SNX9: variants seen among roughly 807,000 people sequenced by gnomAD.
SNX9 encodes sorting nexin-9.
SNX9 carries 44 observed loss-of-function variants against 89.4 expected under a neutral mutation model. The observed-to-expected ratio is 0.49, with a 90% CI of 0.39 to 0.63. The LOEUF (loss-of-function observed/expected upper bound fraction) is 0.63. Ranked by LOEUF, SNX9 falls within the 30% of genes least tolerant of loss-of-function variation. The probability of loss-of-function intolerance (pLI) is 0.00; values close to 1 mark genes in which losing one functional copy is unlikely to be tolerated. For synonymous variants in SNX9, 236 were observed against 247.8 expected (o/e 0.95, Z 0.45); for missense variants, 578 against 736.1 (o/e 0.79, Z 2.49).
rs1781973450 is a variant in SNX9 at position 157,854,604 on chromosome 6, C to G, written c.13-12943C>G. On this transcript the variant is annotated intron_variant, in intron 1 of 17. Transcript: ENST00000392185. ...TATTTTAAAAATCAGCACTAATGCC[C>G]TTTGGCACTTTTAGAAACTGTTCCT... is the stretch of plus-strand genomic sequence containing the variant. Among the ~76,000 whole-genome samples, 3 of 151,986 alleles carry G rather than the reference C, an allele frequency of 2.0e-5. 1 individual carries two copies. In the South Asian group the frequency reaches 6.2e-4, roughly 31 times the overall value.
intron 9 of SNX9, among the ~76,000 whole-genome samples, chr6:157,919,779 C>A (rs1783546299): frequency 2.0e-5 from 3 of 152,032 alleles, no homozygotes; most frequent in African/African-American, 4.8e-5. Context: ...CTTGCTATTT[C>A]TTTGCGTATC....
rs1783589254 is a variant in SNX9 at position 157,921,774 on chromosome 6, C to G, written c.1080+113C>G. 8 of 1,225,792 alleles carry G rather than the reference C, an allele frequency of 6.5e-6. No individual in the cohort carries two copies. The South Asian group carries it at 9.4e-5, about 14-fold the overall frequency. The allele number at this position is 1,225,792 out of a possible 1,614,324, so 75.9% of individuals were successfully genotyped here. ...GTTGGTTAGTTATTTCTCACTTCCT[C>G]CAGTGACAGTGAGGGGACAGAAACC... On this transcript the variant is annotated intron_variant, in intron 10 of 17. Coordinates refer to ENST00000392185, the MANE Select transcript of SNX9 (RefSeq NM_016224.5).
intron 1 of SNX9, among the ~76,000 whole-genome samples, chr6:157,848,508 G>A (rs1234271797): frequency 1.3e-5 from 2 of 152,208 alleles, no homozygotes; most frequent in African/African-American, 4.8e-5. Flanking sequence ...TTGGCTTTTG[G>A]TTCTTTTAGC....
chr6:157,910,239 C>T (rs898495455), intron 9 of SNX9, among the ~76,000 whole-genome samples: 1 of 152,196 alleles, frequency 6.6e-6, no homozygotes, highest in Admixed American at 6.5e-5. Context: ...GTTTAATGTG[C>T]AAATCACAGG....
chr6:157,935,979 A>G lies in SNX9; in HGVS notation c.1382A>G (p.Asn461Ser), dbSNP rs187768612. ...SSGYQGETDL[N>S]DAITEAGKTY... ...TCATTTTCAGGTGAAACAGATCTCA[A>G]TGATGCAATAACAGAAGCAGGAAAG... The change falls in exon 14 of 18, where the codon AAT becomes AGT. Residue 461 changes from asparagine (N) to serine (S), a missense_variant. By Grantham distance (46) the Asn-to-Ser change is conservative (BLOSUM62 1). Coordinates refer to ENST00000392185, the MANE Select transcript of SNX9 (RefSeq NM_016224.5). 2.4e-5 allele frequency: 38 copies of G among 1,612,492 alleles called. 1 individual carries two copies. Among genetic ancestry groups the G allele is most frequent in the Middle Eastern group, 3.3e-4 (2 of 6,054 alleles).
Position 157,932,483 on chromosome 6 carries a change from C to A in SNX9, c.1366+211C>A, listed in dbSNP as rs1583245594. ...GGTGGTTATAATTTGTATTTTCTTGCTAGCTCGTTTGCCTTTTTTTGCTCT... is the reference window on the plus strand; with the variant it reads ...GGTGGTTATAATTTGTATTTTCTTGATAGCTCGTTTGCCTTTTTTTGCTCT... On this transcript the variant is annotated intron_variant, in intron 13 of 17. Transcript: ENST00000392185. Among the ~76,000 whole-genome samples, 4 of 152,274 alleles carry A rather than the reference C, an allele frequency of 2.6e-5. No homozygotes were observed. In the South Asian group the frequency reaches 8.3e-4, roughly 32 times the overall value.
chr6:157,924,051 C>T (rs1199032197), intron 10 of SNX9, among the ~76,000 whole-genome samples: 5 of 152,092 alleles, frequency 3.3e-5, no homozygotes, highest in East Asian at 3.9e-4. Context: ...TACAAAAATT[C>T]GCCAGGTGTG....
At chr6:157,869,256 A>G (rs558238568) in intron 2 of SNX9, among the ~76,000 whole-genome samples, 2 of 151,702 alleles carry the variant, frequency 1.3e-5, no homozygotes, top group Admixed American at 6.6e-5. Flanking sequence ...TCTTTACACT[A>G]TGCGGTCTCA....
chr6:157,897,666 C>T (rs1024604379), intron 5 of SNX9, among the ~76,000 whole-genome samples: 4 of 152,090 alleles, frequency 2.6e-5, no homozygotes, highest in Admixed American at 6.5e-5. Flanking sequence ...CACCGCCCAC[C>T]GCCACACCCG....
rs1783528603 is a variant in SNX9, at chr6:157,918,965, T to G, written c.950-2566T>G. Among the ~76,000 whole-genome samples, 3 of 152,094 alleles carry G rather than the reference T, an allele frequency of 2.0e-5. 1 individual carries two copies. Among genetic ancestry groups the G allele is most frequent in the African/African-American group, 4.8e-5 (2 of 41,422 alleles). ...TTGTGGTAATTACTGCTTTCTACAGTCTTTTGTCTTTTAAAGACACTAAGG... is the reference window on the plus strand; with the variant it reads ...TTGTGGTAATTACTGCTTTCTACAGGCTTTTGTCTTTTAAAGACACTAAGG... On this transcript the variant is annotated intron_variant, in intron 9 of 17. Transcript: ENST00000392185.
At chr6:157,871,925 A>G (rs192020003) in intron 2 of SNX9, among the ~76,000 whole-genome samples, 25 of 151,848 alleles carry the variant, frequency 1.6e-4, no homozygotes, top group Admixed American at 1.6e-3. Context: ...TACAGGTGTG[A>G]GCCACTGTAC....
At chr6:157,832,841 G>A (rs1781502712) in intron 1 of SNX9, among the ~76,000 whole-genome samples, 1 of 152,304 alleles carries the variant, frequency 6.6e-6, no homozygotes, top group East Asian at 1.9e-4. Flanking sequence ...GATCTGGGGA[G>A]ACACAGCCAA....
chr6:157,823,397 G>C lies in SNX9; in HGVS notation c.-38G>C, dbSNP rs1252953213. 3 of 1,273,646 alleles carry C rather than the reference G, an allele frequency of 2.4e-6. No homozygotes were observed. Among genetic ancestry groups the C allele is most frequent in the Non-Finnish European group, 3.0e-6 (3 of 1,002,618 alleles). The allele number at this position is 1,273,646 out of a possible 1,614,324, so 78.9% of individuals were successfully genotyped here. On this transcript the variant is annotated 5_prime_UTR_variant, in exon 1 of 18. Transcript: ENST00000392185. This position sits in a 1 kb window ranked among gnomAD's most constrained non-coding sequence, Gnocchi z 4.6. The stretch of plus-strand genomic sequence containing the variant: ...CAGAATCACCATCCGCGGCGCGGGA[G>C]ACGAGCCGGCCGTCCCGGGCCGGGG...
intron 1 of SNX9, among the ~76,000 whole-genome samples, chr6:157,866,306 G>A (rs913510449): frequency 7.2e-5 from 11 of 152,160 alleles, no homozygotes; most frequent in Non-Finnish European, 1.2e-4. Context: ...ATTTAGGGCT[G>A]GTCATAGTGG....
intron 16 of SNX9, among the ~76,000 whole-genome samples, chr6:157,940,228 AG>A (rs1319713421): frequency 6.6e-6 from 1 of 152,382 alleles, no homozygotes; most frequent in East Asian, 1.9e-4. Flanking sequence ...GGTCCAGTGC[AG>A]ACACACCAGA....
intron 4 of SNX9, among the ~76,000 whole-genome samples, chr6:157,889,430 C>CAAAAAA (rs56303673): frequency 1.7e-5 from 1 of 58,498 alleles, no homozygotes. Context: ...GACCCTGTCT[C>CAAAAAA]AAAAAAAAAA....
At chr6:157,904,721 A>G (rs1783175378) in intron 6 of SNX9, among the ~76,000 whole-genome samples, 2 of 152,170 alleles carry the variant, frequency 1.3e-5, no homozygotes, top group South Asian at 4.1e-4. Flanking sequence ...AAAAATAAAT[A>G]AAATAGAGTA....
At chr6:157,895,580 C>T (rs6905976) in intron 4 of SNX9, among the ~76,000 whole-genome samples, 34,712 of 151,544 alleles carry the variant, frequency 0.23, 4,109 homozygotes, top group African/African-American at 0.27. Context: ...AATATTGTGT[C>T]CATATGTGCT....
chr6:157,849,230 G>A (rs372424668), intron 1 of SNX9, among the ~76,000 whole-genome samples: 6 of 152,338 alleles, frequency 3.9e-5, no homozygotes, highest in African/African-American at 1.4e-4. Context: ...AGTCCAAACT[G>A]GAATACTTTC....
Sources: gnomAD v4.1 joint callset for allele counts (sites outside exome capture counted in the v4.1 genomes callset) on GRCh38, gnomAD v4.1.1 for gene constraint, Gnocchi (gnomAD v3.1) non-coding constraint, MANE v1.5 for transcripts, NCBI Gene and HGNC (gene_info 2026-07-23, HGNC 2026-07-21) for gene names.